Variants in SGCZ observed in about 807,000 individuals in gnomAD.
SGCZ encodes sarcoglycan zeta, also known as zeta-sarcoglycan.
A neutral mutation model predicts 41.3 loss-of-function variants in SGCZ; 40 were observed. That is an observed-to-expected ratio of 0.97 (90% CI 0.75 to 1.26). SGCZ has a LOEUF of 1.26. SGCZ is among the 50% of genes most tolerant of loss of function. The probability of loss-of-function intolerance (pLI) is 0.00; values close to 1 mark genes in which losing one functional copy is unlikely to be tolerated. For synonymous variants in SGCZ, 206 were observed against 137.5 expected (o/e 1.50, Z -3.49); for missense variants, 552 against 369.8 (o/e 1.49, Z -4.04).
At chr8:14,834,662 T>G (rs1802638465) in intron 1 of SGCZ, among the ~76,000 whole-genome samples, 1 of 152,206 alleles carries the variant, frequency 6.6e-6, no homozygotes, top group Non-Finnish European at 1.5e-5. Flanking sequence ...AGTGTATCAT[T>G]TCTGCTCAAA....
intron 1 of SGCZ, among the ~76,000 whole-genome samples, chr8:14,788,141 T>A (rs1045071694): frequency 2.0e-5 from 3 of 152,156 alleles, no homozygotes; most frequent in African/African-American, 4.8e-5. Flanking sequence ...ACGGATATAT[T>A]TTTAGTCAAA....
intron 2 of SGCZ, among the ~76,000 whole-genome samples, chr8:14,535,022 G>A (rs912334218): frequency 6.6e-6 from 1 of 151,832 alleles, no homozygotes; most frequent in African/African-American, 2.4e-5. Flanking sequence ...CATATTCTGT[G>A]ATTTTTTATT....
At chr8:15,064,831 G>C (rs1021321694) in intron 1 of SGCZ, among the ~76,000 whole-genome samples, 1 of 152,146 alleles carries the variant, frequency 6.6e-6, no homozygotes, top group Non-Finnish European at 1.5e-5. Context: ...CATAGTCTCA[G>C]TTACTGGCTT....
chr8:14,425,345 T>TC (rs1218133306), intron 2 of SGCZ, among the ~76,000 whole-genome samples: 1 of 152,034 alleles, frequency 6.6e-6, no homozygotes, highest in East Asian at 1.9e-4. Flanking sequence ...TCTTGGATGG[T>TC]CGTGATGGCT....
intron 2 of SGCZ, among the ~76,000 whole-genome samples, chr8:14,327,467 T>A (rs184394062): frequency 6.6e-6 from 1 of 152,234 alleles, no homozygotes; most frequent in Admixed American, 6.5e-5. Context: ...CTCCTTGGAG[T>A]TGTTACAGAA....
At chr8:15,083,061 T>C (rs1406618381) in intron 1 of SGCZ, among the ~76,000 whole-genome samples, 2 of 152,196 alleles carry the variant, frequency 1.3e-5, no homozygotes, top group African/African-American at 4.8e-5. Context: ...TATGAACTAA[T>C]AGTCGTGTTC....
chr8:14,997,376 T>A lies in SGCZ; in HGVS notation c.39+240209A>T, dbSNP rs916052610. Reference sequence around the variant, plus strand: ...TTATAACAAAGCATATACTACCTTATCTGAATCAAGATCATATTAATGCAG... The same window carrying A: ...TTATAACAAAGCATATACTACCTTAACTGAATCAAGATCATATTAATGCAG... On this transcript the variant is annotated intron_variant, in intron 1 of 7. Coordinates refer to ENST00000382080, the MANE Select transcript of SGCZ (RefSeq NM_139167.4). Among the ~76,000 whole-genome samples the A allele has an allele frequency of 3.9e-5, 6 of 152,228 alleles. No individual in the cohort carries two copies. In the East Asian group the frequency reaches 1.2e-3, roughly 29 times the overall value.
chr8:15,201,818 C>A (rs1800900634), intron 1 of SGCZ, among the ~76,000 whole-genome samples: 1 of 152,146 alleles, frequency 6.6e-6, no homozygotes, highest in Non-Finnish European at 1.5e-5. Context: ...TTTTTCACAG[C>A]ACAGTCATTT....
At chr8:15,154,211 C>A (rs1291667260) in intron 1 of SGCZ, among the ~76,000 whole-genome samples, 2 of 152,166 alleles carry the variant, frequency 1.3e-5, no homozygotes, top group Non-Finnish European at 2.9e-5. Context: ...GACAACCTAA[C>A]ACAGTCAGCT....
intron 1 of SGCZ, among the ~76,000 whole-genome samples, chr8:14,701,792 T>C (rs550347364): frequency 6.6e-6 from 1 of 151,986 alleles, no homozygotes; most frequent in Admixed American, 6.6e-5. Context: ...CCTACTAACA[T>C]GTGACCTCTA....
chr8:14,862,783 A>G (rs1055832797), intron 1 of SGCZ, among the ~76,000 whole-genome samples: 2 of 151,878 alleles, frequency 1.3e-5, no homozygotes, highest in Non-Finnish European at 2.9e-5. Flanking sequence ...CAGGAGGTGT[A>G]TGAGCAGAGA....
intron 1 of SGCZ, among the ~76,000 whole-genome samples, chr8:14,732,710 G>A (rs1798903494): frequency 6.6e-6 from 1 of 152,014 alleles, no homozygotes; most frequent in Non-Finnish European, 1.5e-5. Flanking sequence ...CCTAAAACGG[G>A]GGCAACCAAT....
intron 1 of SGCZ, among the ~76,000 whole-genome samples, chr8:15,102,034 C>T (rs1806635419): frequency 6.6e-6 from 1 of 152,154 alleles, no homozygotes; most frequent in Non-Finnish European, 1.5e-5. Context: ...AGCCTACCAT[C>T]TGATCCAGCA....
chr8:15,129,595 G>C (rs1807823660), intron 1 of SGCZ, among the ~76,000 whole-genome samples: 1 of 148,904 alleles, frequency 6.7e-6, no homozygotes, highest in Admixed American at 6.9e-5. Context: ...CTTATTACTT[G>C]AGAAAAGTGC....
intron 3 of SGCZ, among the ~76,000 whole-genome samples, chr8:14,266,542 T>TGCA (rs1799872614): frequency 6.6e-6 from 1 of 151,968 alleles, no homozygotes. Flanking sequence ...ACAGATTAAA[T>TGCA]GGAGAGAGAA....
chr8:15,133,319 G>C (rs890498489), intron 1 of SGCZ, among the ~76,000 whole-genome samples: 3 of 152,068 alleles, frequency 2.0e-5, no homozygotes, highest in Non-Finnish European at 2.9e-5. Context: ...TAGCCACTTT[G>C]TAAGTCAGTA....
At chr8:14,230,909 A>G (rs1806543000) in intron 4 of SGCZ, among the ~76,000 whole-genome samples, 2 of 152,034 alleles carry the variant, frequency 1.3e-5, no homozygotes, top group South Asian at 2.1e-4. Flanking sequence ...GTAAAGGAAT[A>G]TAGTTTCCCT....
intron 1 of SGCZ, among the ~76,000 whole-genome samples, chr8:14,851,368 C>CAAAAAA (rs369090223): frequency 2.6e-4 from 16 of 61,858 alleles, no homozygotes; most frequent in East Asian, 1.0e-3. Flanking sequence ...GACTCCATCT[C>CAAAAAA]AAAAAAAAAA....
intron 2 of SGCZ, among the ~76,000 whole-genome samples, chr8:14,380,767 G>C (rs1214092422): frequency 6.6e-6 from 1 of 152,142 alleles, no homozygotes; most frequent in Non-Finnish European, 1.5e-5. Flanking sequence ...GCCGAGGTAG[G>C]AGAATCACTT....
Sources: gnomAD v4.1 joint callset for allele counts (sites outside exome capture counted in the v4.1 genomes callset) on GRCh38, gnomAD v4.1.1 for gene constraint, MANE v1.5 for transcripts, NCBI Gene and HGNC (gene_info 2026-07-23, HGNC 2026-07-21) for gene names.